SLC30A5: variants seen among roughly 807,000 people sequenced by gnomAD.
SLC30A5 encodes the protein solute carrier family 30 member 5, also known as proton-coupled zinc antiporter SLC30A5.
In SLC30A5, 33 loss-of-function variants were observed where a neutral mutation model predicts 79.6. That is an observed-to-expected ratio of 0.41 (90% confidence interval 0.31 to 0.55). The LOEUF (loss-of-function observed/expected upper bound fraction) is 0.55, where lower values mean the gene tolerates loss of function less well. Among genes scored for constraint, SLC30A5 ranks in the 20% least tolerant of loss-of-function variants. The pLI is 0.20. For missense variants in SLC30A5, 788 were observed against 928.1 expected, an observed-to-expected ratio of 0.85 and a Z score of 1.96; for synonymous variants, 299 against 319.7, an observed-to-expected ratio of 0.94 and a Z score of 0.69.
chr5:69,116,483 A>C lies in SLC30A5; in HGVS notation c.1162A>C (p.Met388Leu). ...TGAAGGAACACCTCTTTATAACTTC[A>C]TGGGTGATGCTTTTCAGCATAGCTC... ...SPEGTPLYNF[M>L]GDAFQHSSQS... The change falls in exon 10 of 16, where the codon ATG becomes CTG. Residue 388 changes from methionine (M) to leucine (L), a missense_variant. By Grantham distance (15) the Met-to-Leu change is conservative (BLOSUM62 2). Coordinates refer to ENST00000396591, the MANE Select transcript of SLC30A5 (RefSeq NM_022902.5). The surrounding 1 kb of genome is among the most constrained non-coding windows in gnomAD (Gnocchi z 4.0). The C allele has an allele frequency of 1.9e-6, 3 of 1,612,746 alleles. No individual in the cohort carries two copies. The highest frequency in any genetic ancestry group is 2.5e-6 in the Non-Finnish European group (3 of 1,179,564).
At chr5:69,113,561 C>A (rs1746288867) in intron 6 of SLC30A5, among the ~76,000 whole-genome samples, 1 of 151,818 alleles carries the variant, frequency 6.6e-6, no homozygotes, top group Admixed American at 6.6e-5. Flanking sequence ...AATTAAAAGG[C>A]TGATAAATGA....
In SLC30A5 at chr5:69,131,033, C is replaced by A. The variant is rs1172216126; in HGVS notation, c.*1416C>A. On this transcript the variant is annotated 3_prime_UTR_variant, in exon 16 of 16. Transcript: ENST00000396591. Reference sequence around the variant, plus strand: ...CTTTTGCATATTTTTTGGCCAAAATCTTCAATACATATTAAAATTTTTGAG... The same window carrying A: ...CTTTTGCATATTTTTTGGCCAAAATATTCAATACATATTAAAATTTTTGAG... 2.0e-5 allele frequency: 3 copies of A among 151,916 alleles called. No individual in the cohort carries two copies. The highest frequency in any genetic ancestry group is 6.6e-5 in the Admixed American group (1 of 15,214). The allele number at this position is 151,916 out of a possible 1,614,324, so 9.4% of individuals were successfully genotyped here.
intron 11 of SLC30A5, 54 bp downstream of exon 11, chr5:69,117,450 G>T: frequency 6.9e-7 from 1 of 1,442,184 alleles, no homozygotes; most frequent in South Asian, 1.3e-5. Context: ...TCCATCTTAA[G>T]GAACAGAATT....
chr5:69,128,857 C>A lies in SLC30A5; in HGVS notation c.2128-590C>A, dbSNP rs546087840. On this transcript the variant is annotated intron_variant, in intron 15 of 15. Coordinates refer to ENST00000396591, the MANE Select transcript of SLC30A5 (RefSeq NM_022902.5). The stretch of plus-strand genomic sequence containing the variant: ...TGTTCTAGATGTGCCAAATTGGAAA[C>A]AATGGCTGTTTTCCTTTTCTACTGT... Among the ~76,000 whole-genome samples the A allele has an allele frequency of 4.6e-5, 7 of 152,220 alleles. No homozygotes were observed. In the East Asian group the frequency reaches 1.2e-3, roughly 25 times the overall value.
At chr5:69,110,708 C>T (rs938206669) in intron 5 of SLC30A5, among the ~76,000 whole-genome samples, 11 of 152,100 alleles carry the variant, frequency 7.2e-5, no homozygotes, top group Non-Finnish European at 1.0e-4. Context: ...ATAAACTTAA[C>T]GTATAACAGA....
At chr5:69,110,395 G>C (rs1310577950) in intron 5 of SLC30A5, among the ~76,000 whole-genome samples, 2 of 152,162 alleles carry the variant, frequency 1.3e-5, no homozygotes, top group Non-Finnish European at 2.9e-5. Flanking sequence ...AATGAAGGGA[G>C]ATGAATGAAG....
chr5:69,108,332 A>C lies in SLC30A5; in HGVS notation c.360-17A>C. 1 of 1,572,066 alleles carries C rather than the reference A, an allele frequency of 6.4e-7. No individual in the cohort carries two copies. Among genetic ancestry groups the C allele is most frequent in the Non-Finnish European group, 8.7e-7 (1 of 1,142,988 alleles). ...GATAAATTACATTTCATAAATGATA[A>C]TGTTTTATTTTTGTAGGACTTTGCT... is the stretch of plus-strand genomic sequence containing the variant. On this transcript the variant is annotated splice_polypyrimidine_tract_variant and intron_variant, in intron 4 of 15. Transcript: ENST00000396591.
chr5:69,126,858 T>C (rs6880864), intron 14 of SLC30A5, among the ~76,000 whole-genome samples: 35,340 of 137,734 alleles, frequency 0.26, 4,704 homozygotes, highest in East Asian at 0.38. Context: ...CTTCAAAATA[T>C]AGAAAAGTGC....
At chr5:69,100,742 A>G in intron 1 of SLC30A5, 65 bp from the exon 2 acceptor site, 1 of 1,431,886 alleles carries the variant, frequency 7.0e-7, no homozygotes, top group South Asian at 1.3e-5. Flanking sequence ...TGTTTAAAAA[A>G]CCAGATTGAT....
intron 1 of SLC30A5, among the ~76,000 whole-genome samples, chr5:69,096,714 AG>A (rs1322240244): frequency 6.6e-6 from 1 of 152,154 alleles, no homozygotes; most frequent in Non-Finnish European, 1.5e-5. Context: ...CTAGGTATAA[AG>A]TAAACGTAGG....
chr5:69,104,471 G>C (rs966955148), intron 3 of SLC30A5, 160 bp from the exon 4 acceptor site: 4 of 1,376,526 alleles, frequency 2.9e-6, no homozygotes, highest in Non-Finnish European at 3.7e-6. Context: ...TGGAAATCTA[G>C]ACTTAGTCAA....
At chr5:69,109,498 A>T (rs1304808672) in intron 5 of SLC30A5, among the ~76,000 whole-genome samples, 1 of 150,866 alleles carries the variant, frequency 6.6e-6, no homozygotes, top group Non-Finnish European at 1.5e-5. Context: ...AGATTTGTGT[A>T]ACCATCATTA....
intron 12 of SLC30A5, among the ~76,000 whole-genome samples, chr5:69,119,654 G>C (rs922423342): frequency 6.6e-6 from 1 of 151,948 alleles, no homozygotes; most frequent in African/African-American, 2.4e-5. Flanking sequence ...AGACTTTTTT[G>C]GATTTTTTAG....
At chr5:69,101,569 G>C (rs535096610) in intron 2 of SLC30A5, among the ~76,000 whole-genome samples, 1 of 150,994 alleles carries the variant, frequency 6.6e-6, no homozygotes, top group Non-Finnish European at 1.5e-5. Flanking sequence ...GAGCCACCAC[G>C]CCTGGCCTAC....
At chr5:69,108,893 T>C (rs1280158722) in intron 5 of SLC30A5, among the ~76,000 whole-genome samples, 1 of 152,160 alleles carries the variant, frequency 6.6e-6, no homozygotes, top group Non-Finnish European at 1.5e-5. Context: ...ATTTTTTTGT[T>C]TTTGAAGAAT....
At chr5:69,108,080 C>T (rs146825679) in intron 4 of SLC30A5, among the ~76,000 whole-genome samples, 2 of 152,194 alleles carry the variant, frequency 1.3e-5, no homozygotes, top group Non-Finnish European at 1.5e-5. Flanking sequence ...GTATGAGCAA[C>T]CTGGTAAGTG....
Position 69,114,488 on chromosome 5 carries a change from G to T in SLC30A5, c.604G>T (p.Asp202Tyr). 6.3e-7 allele frequency: 1 copy of T among 1,586,564 alleles called. No homozygotes were observed. The change falls in exon 7 of 16, where the codon GAT (aspartate) becomes TAT (tyrosine). Residue 202 changes from aspartate (D) to tyrosine (Y), a missense_variant. This residue lies in a region of SLC30A5 where 626 missense variants were observed against 755.5 expected (regional missense o/e 0.83). Transcript: ENST00000396591. ...AGCCATTGCCTTCTTAGGTGTGGCA[G>T]ATCACAAGGTATGATTTCTTTGTTC... ...YTAIAFLGVA[D>Y]HKGGVLLLVL... is the part of the protein sequence containing the mutation.
intron 1 of SLC30A5, among the ~76,000 whole-genome samples, chr5:69,094,873 G>A (rs1204194698): frequency 6.9e-6 from 1 of 144,966 alleles, no homozygotes; most frequent in Non-Finnish European, 1.6e-5. Flanking sequence ...ATGTGTCCTC[G>A]TTGTCAAAAA....
chr5:69,128,217 C>A, intron 15 of SLC30A5, 85 bp downstream of exon 15: 306 of 638,362 alleles, frequency 4.8e-4, no homozygotes, highest in Non-Finnish European at 6.7e-4. Context: ...GCTCAGTAGT[C>A]ATTTACTATT....
Sources: allele counts gnomAD v4.1 joint callset (sites outside exome capture counted in the v4.1 genomes callset), GRCh38; gene constraint gnomAD v4.1.1; regional missense constraint gnomAD v4.1.1; non-coding constraint Gnocchi (gnomAD v3.1); transcripts MANE v1.5; gene names NCBI Gene and HGNC (gene_info 2026-07-23, HGNC 2026-07-21).